CEP164: variants seen among roughly 807,000 people sequenced by gnomAD.
CEP164 encodes centrosomal protein of 164 kDa.
In CEP164, 162 loss-of-function variants were observed where a neutral mutation model predicts 182.7. That is an observed-to-expected ratio of 0.89 (90% CI 0.78 to 1.01). The LOEUF is 1.01. CEP164 is among the 50% of genes least tolerant of loss of function. The probability of loss-of-function intolerance (pLI) is 0.00; values close to 1 mark genes in which losing one functional copy is unlikely to be tolerated. For synonymous variants in CEP164, 661 were observed against 690.0 expected, an observed-to-expected ratio of 0.96 and a Z score of 0.66; for missense variants, 1,735 against 1,790.4, an observed-to-expected ratio of 0.97 and a Z score of 0.56.
At chr11:117,407,718 G>A (rs1391034574) in intron 27 of CEP164, among the ~76,000 whole-genome samples, 1 of 152,206 alleles carries the variant, frequency 6.6e-6, no homozygotes, top group African/African-American at 2.4e-5. Flanking sequence ...TTTTTAAGGT[G>A]TAGGCATGGT....
intron 12 of CEP164, among the ~76,000 whole-genome samples, chr11:117,381,474 A>G (rs1340041459): frequency 6.6e-6 from 1 of 151,992 alleles, no homozygotes; most frequent in Non-Finnish European, 1.5e-5. Flanking sequence ...ACCCCTGTGG[A>G]GCCTGACTCC....
Position 117,395,631 on chromosome 11 carries a change from A to T in CEP164, c.2998A>T (p.Ile1000Phe). ...LLQSNQQLRE[I>F]LDELQARKLK... ...GCAGTCAAACCAGCAGCTCCGAGAA[A>T]TTCTTGATGAGCTGCAGGCCCGCAA... Residue 1000 changes from isoleucine to phenylalanine, a missense_variant, in exon 24 of 33, where the codon ATT (isoleucine) becomes TTT (phenylalanine). Transcript: ENST00000278935. 6.2e-7 allele frequency: 1 copy of T among 1,613,910 alleles called. No individual in the cohort carries two copies. Among genetic ancestry groups the T allele is most frequent in the Non-Finnish European group, 8.5e-7 (1 of 1,180,018 alleles).
At chr11:117,373,880 G>T in intron 10 of CEP164, 49 bp downstream of exon 10, 1 of 1,529,070 alleles carries the variant, frequency 6.5e-7, no homozygotes, top group Non-Finnish European at 9.1e-7. Flanking sequence ...GCATAGATTT[G>T]TGAGCCTCCA....
At chr11:117,368,106 G>T (rs2041840361) in intron 8 of CEP164, among the ~76,000 whole-genome samples, 1 of 152,130 alleles carries the variant, frequency 6.6e-6, no homozygotes, top group Admixed American at 6.5e-5. Flanking sequence ...AAGTACTGAG[G>T]ACAATAGGGA....
In CEP164 at chr11:117,397,071, C is replaced by T. The variant is rs375870273; in HGVS notation, c.3279-20C>T. 1.6e-5 allele frequency: 25 copies of T among 1,605,794 alleles called. No individual in the cohort carries two copies. The African/African-American group carries it at 3.1e-4, about 20-fold the overall frequency. ...GTTCTTAGAGGCTTCTGTTTTCCTT[C>T]TTCAACTCTCCTGCTCCAGCCTGTC... On this transcript the variant is annotated intron_variant, in intron 26 of 32. Coordinates refer to ENST00000278935, the MANE Select transcript of CEP164 (RefSeq NM_014956.5).
intron 17 of CEP164, 94 bp from the exon 18 acceptor site, chr11:117,392,132 C>T (rs887128804): frequency 1.4e-5 from 15 of 1,109,852 alleles, no homozygotes; most frequent in South Asian, 3.8e-5. Context: ...ACCCTGATCT[C>T]GAGGGCTTGG....
chr11:117,359,388 G>A (rs537495904), intron 5 of CEP164: 63 of 984,984 alleles, frequency 6.4e-5, no homozygotes, highest in Middle Eastern at 1.0e-3. Flanking sequence ...CTGGTGTTAC[G>A]ATTATCAGCT....
intron 19 of CEP164, 30 bp from the exon 20 acceptor site, chr11:117,392,973 TC>T (rs1565581812): frequency 6.2e-7 from 1 of 1,611,456 alleles, no homozygotes. Flanking sequence ...CCTCGGTTCT[TC>T]ATGCCACATC....
intron 27 of CEP164, among the ~76,000 whole-genome samples, chr11:117,406,823 C>CA (rs1355595323): frequency 1.3e-5 from 2 of 152,204 alleles, no homozygotes; most frequent in South Asian, 2.1e-4. Flanking sequence ...CAGCCAGGCG[C>CA]AGTGGTTCAT....
At chr11:117,403,119 T>C (rs1215597336) in intron 27 of CEP164, among the ~76,000 whole-genome samples, 3 of 152,264 alleles carry the variant, frequency 2.0e-5, no homozygotes, top group African/African-American at 7.2e-5. Context: ...TGACTGTTTA[T>C]GCAGTTTGCC....
intron 24 of CEP164, 67 bp downstream of exon 24, chr11:117,395,789 T>C: frequency 6.6e-7 from 1 of 1,526,660 alleles, no homozygotes. Context: ...CTCTGCTGCT[T>C]GTGTCATGGC....
In CEP164 at chr11:117,330,386, C is replaced by T. The variant is rs184279228; in HGVS notation, c.-98+2482C>T. Among the ~76,000 whole-genome samples, 52 of 152,308 alleles carry T rather than the reference C, an allele frequency of 3.4e-4. 1 individual carries two copies. In the East Asian group the frequency reaches 6.8e-3, roughly 20 times the overall value. On this transcript the variant is annotated intron_variant, in intron 1 of 32. Transcript: ENST00000278935. Reference sequence around the variant, plus strand: ...AGTAAGTGATTACTTGGCGCGGTGACTCACGCCTGTAATCTCAGCACTTTG... The same window carrying T: ...AGTAAGTGATTACTTGGCGCGGTGATTCACGCCTGTAATCTCAGCACTTTG...
chr11:117,384,357 T>A (rs567581617), intron 14 of CEP164, among the ~76,000 whole-genome samples: 2 of 152,294 alleles, frequency 1.3e-5, no homozygotes, highest in East Asian at 3.9e-4. Flanking sequence ...TGGTGATACA[T>A]CCTACAGTGA....
intron 6 of CEP164, 66 bp from the exon 7 acceptor site, chr11:117,362,338 G>A (rs541069751): frequency 4.6e-6 from 7 of 1,526,332 alleles, no homozygotes; most frequent in Admixed American, 3.7e-5. Context: ...GTGGGGAGGA[G>A]CATTCTAAAG....
chr11:117,371,550 T>C, intron 9 of CEP164, 84 bp downstream of exon 9: 1 of 1,476,998 alleles, frequency 6.8e-7, no homozygotes, highest in Non-Finnish European at 9.0e-7. Context: ...TATCCCCACA[T>C]CTTTATTACT....
At chr11:117,370,527 C>T (rs190159277) in intron 8 of CEP164, among the ~76,000 whole-genome samples, 136 of 152,336 alleles carry the variant, frequency 8.9e-4, no homozygotes, top group Non-Finnish European at 1.7e-3. Context: ...CCAGGCCCAC[C>T]AGTGGATGGG....
chr11:117,408,571 T>A (rs1022614854), intron 28 of CEP164: 16 of 368,996 alleles, frequency 4.3e-5, no homozygotes, highest in African/African-American at 2.9e-4. Context: ...CACCCTGCTG[T>A]GAGGCAGCCT....
chr11:117,331,539 T>G (rs2036208533), intron 1 of CEP164, among the ~76,000 whole-genome samples: 1 of 152,188 alleles, frequency 6.6e-6, no homozygotes, highest in African/African-American at 2.4e-5. Flanking sequence ...ATGCAGTTAT[T>G]GAGGCTGAGA....
Position 117,411,976 on chromosome 11 carries a change from G to C in CEP164, c.4286+59G>C. ...GCTGTGGGGACTGTGCTTGTGCCCTGAGGGGCTGAGGAGGATCCTGTTCAG... is the reference window on the plus strand; with the variant it reads ...GCTGTGGGGACTGTGCTTGTGCCCTCAGGGGCTGAGGAGGATCCTGTTCAG... On this transcript the variant is annotated intron_variant, in intron 32 of 32. Coordinates refer to ENST00000278935, the MANE Select transcript of CEP164 (RefSeq NM_014956.5). The surrounding 1 kb of genome is among the most constrained non-coding windows in gnomAD (Gnocchi z 4.4). The C allele has an allele frequency of 6.2e-7, 1 of 1,611,086 alleles. No homozygotes were observed. Among genetic ancestry groups the C allele is most frequent in the Non-Finnish European group, 8.5e-7 (1 of 1,178,256 alleles).
Sources: gnomAD v4.1 joint callset for allele counts (sites outside exome capture counted in the v4.1 genomes callset) on GRCh38, gnomAD v4.1.1 for gene constraint, Gnocchi (gnomAD v3.1) non-coding constraint, MANE v1.5 for transcripts, NCBI Gene and HGNC (gene_info 2026-07-23, HGNC 2026-07-21) for gene names.